Variants in AK8 observed in about 807,000 individuals in gnomAD.
AK8 encodes the protein adenylate kinase 8.
In AK8, 44 loss-of-function variants were observed where a neutral mutation model predicts 54.6. That is an observed-to-expected ratio of 0.81 (90% CI 0.63 to 1.04). The LOEUF (loss-of-function observed/expected upper bound fraction) is 1.04, where lower values mean the gene tolerates loss of function less well. Ranked by LOEUF, AK8 falls within the 50% of genes least tolerant of loss-of-function variation. The pLI is 0.00. For synonymous variants in AK8, 239 were observed against 245.6 expected (o/e 0.97, Z 0.25); for missense variants, 555 against 613.6 (o/e 0.90, Z 1.01).
chr9:132,878,076 T>C lies in AK8; in HGVS notation c.84+96A>G, dbSNP rs2131466466. On this transcript the variant is annotated intron_variant, in intron 1 of 12. Transcript: ENST00000298545. The surrounding 1 kb of genome is among the most constrained non-coding windows in gnomAD (Gnocchi z 4.7). ...TTGGGCTGCTTCGTGGGCGCGCGAC[T>C]CGGCCCCAGCTGCGGGTCCCGGCCG... 6.5e-7 allele frequency: 1 copy of C among 1,536,792 alleles called. No individual in the cohort carries two copies. The highest frequency in any genetic ancestry group is 2.5e-5 in the East Asian group (1 of 40,352).
intron 9 of AK8, among the ~76,000 whole-genome samples, chr9:132,819,979 A>G (rs1056790023): frequency 1.3e-5 from 2 of 151,794 alleles, no homozygotes; most frequent in Non-Finnish European, 2.9e-5. Flanking sequence ...GGCAACATAG[A>G]GAGATTCCCG....
At chr9:132,875,055 G>T in intron 2 of AK8, 60 bp downstream of exon 2, 1 of 1,602,252 alleles carries the variant, frequency 6.2e-7, no homozygotes, top group South Asian at 1.1e-5. Flanking sequence ...CAGGGAAGAA[G>T]GGGAAGGAGG....
At chr9:132,823,603 G>A (rs761945750) in intron 8 of AK8, among the ~76,000 whole-genome samples, 1 of 152,220 alleles carries the variant, frequency 6.6e-6, no homozygotes, top group Non-Finnish European at 1.5e-5. Flanking sequence ...GTCTAAACAC[G>A]TGCAGGTGTC....
intron 11 of AK8, among the ~76,000 whole-genome samples, chr9:132,776,412 C>T (rs1180166177): frequency 6.6e-6 from 1 of 152,226 alleles, no homozygotes; most frequent in African/African-American, 2.4e-5. Context: ...CAACAAAGCA[C>T]GAGGCCTGCT....
chr9:132,861,015 T>A (rs545285534), intron 4 of AK8, among the ~76,000 whole-genome samples: 1 of 152,354 alleles, frequency 6.6e-6, no homozygotes, highest in East Asian at 1.9e-4. Flanking sequence ...TAGACTGCCA[T>A]GAGCTGACAT....
intron 5 of AK8, among the ~76,000 whole-genome samples, chr9:132,840,283 C>T (rs549831639): frequency 1.3e-5 from 2 of 152,260 alleles, no homozygotes; most frequent in East Asian, 1.9e-4. Context: ...CAGCCCAGCT[C>T]CATCTCCAAA....
intron 11 of AK8, among the ~76,000 whole-genome samples, chr9:132,748,593 T>C (rs1260216056): frequency 6.6e-6 from 1 of 151,942 alleles, no homozygotes; most frequent in East Asian, 1.9e-4. Context: ...CTGGCTGCCC[T>C]AGGAACTACA....
intron 10 of AK8, among the ~76,000 whole-genome samples, chr9:132,796,414 A>G (rs181842295): frequency 6.6e-5 from 10 of 152,356 alleles, no homozygotes; most frequent in Admixed American, 6.5e-4. Flanking sequence ...TAAAATGTAC[A>G]TGTCTTTTGA....
intron 11 of AK8, among the ~76,000 whole-genome samples, chr9:132,752,297 T>C (rs1837968790): frequency 6.6e-6 from 1 of 151,264 alleles, no homozygotes; most frequent in East Asian, 1.9e-4. Flanking sequence ...TCGCCCAGGC[T>C]GGAGTGCAGT....
chr9:132,824,166 T>C (rs1841778750), intron 8 of AK8, among the ~76,000 whole-genome samples: 2 of 152,092 alleles, frequency 1.3e-5, no homozygotes, highest in Non-Finnish European at 2.9e-5. Context: ...AACAGGGAGC[T>C]GTGAGAAAAG....
intron 5 of AK8, among the ~76,000 whole-genome samples, chr9:132,848,537 C>T (rs1433221106): frequency 1.3e-5 from 2 of 152,330 alleles, no homozygotes; most frequent in East Asian, 3.9e-4. Context: ...TAAGACGGCC[C>T]CTCCACAGTC....
chr9:132,813,433 AG>A (rs1389971550), intron 10 of AK8, among the ~76,000 whole-genome samples: 2 of 152,216 alleles, frequency 1.3e-5, no homozygotes, highest in Non-Finnish European at 2.9e-5. Flanking sequence ...GAAGGCCACA[AG>A]CTTCCACCAG....
intron 5 of AK8, among the ~76,000 whole-genome samples, chr9:132,850,651 C>G (rs1419953219): frequency 6.6e-6 from 1 of 151,944 alleles, no homozygotes; most frequent in Non-Finnish European, 1.5e-5. Flanking sequence ...GCCCGCCTCG[C>G]CTTCCCAAAA....
chr9:132,751,358 A>G (rs1457864263), intron 11 of AK8, among the ~76,000 whole-genome samples: 4 of 145,258 alleles, frequency 2.8e-5, no homozygotes, highest in Non-Finnish European at 6.1e-5. Context: ...CCCTCCAGCC[A>G]GGATGACAGA....
intron 11 of AK8, among the ~76,000 whole-genome samples, chr9:132,756,582 A>G (rs558159353): frequency 6.6e-6 from 1 of 152,346 alleles, no homozygotes; most frequent in South Asian, 2.1e-4. Flanking sequence ...GCCGGGGGCC[A>G]CACTCCGAAG....
At chr9:132,835,314 T>C (rs1324388820) in intron 5 of AK8, among the ~76,000 whole-genome samples, 3 of 152,336 alleles carry the variant, frequency 2.0e-5, no homozygotes, top group Non-Finnish European at 2.9e-5. Context: ...CAGTCTACCC[T>C]AGCTCTGAGG....
chr9:132,792,806 G>T, intron 10 of AK8, 31 bp from the exon 11 acceptor site: 1 of 1,543,978 alleles, frequency 6.5e-7, no homozygotes, highest in Non-Finnish European at 8.8e-7. Context: ...TGAGTACCCT[G>T]CTGGCCGGCA....
intron 5 of AK8, among the ~76,000 whole-genome samples, chr9:132,840,406 TCA>T (rs55856402): frequency 0.19 from 27,353 of 142,772 alleles, 2,682 homozygotes; most frequent in East Asian, 0.33. Context: ...AAGTGGACAC[TCA>T]CACACACACA....
At chr9:132,848,113 T>C (rs1842822765) in intron 5 of AK8, among the ~76,000 whole-genome samples, 1 of 43,226 alleles carries the variant, frequency 2.3e-5, no homozygotes, top group East Asian at 7.4e-4. Flanking sequence ...AACACCCTGT[T>C]TCAAAAAAAA....
Sources: gnomAD v4.1 joint callset for allele counts (sites outside exome capture counted in the v4.1 genomes callset) on GRCh38, gnomAD v4.1.1 for gene constraint, Gnocchi (gnomAD v3.1) non-coding constraint, MANE v1.5 for transcripts, NCBI Gene and HGNC (gene_info 2026-07-23, HGNC 2026-07-21) for gene names.